The following PTPRD variants were observed in gnomAD, a reference collection of about 807,000 sequenced individuals.
PTPRD encodes the protein receptor-type tyrosine-protein phosphatase delta.
PTPRD carries 34 observed loss-of-function variants against 214.5 expected under a neutral mutation model. The observed-to-expected ratio is 0.16, with a 90% CI of 0.12 to 0.21. The LOEUF is 0.21. Ranked by LOEUF, PTPRD falls within the 10% of genes least tolerant of loss-of-function variation. The pLI, the probability that PTPRD is intolerant of heterozygous loss-of-function variation, is 1.00. For synonymous variants in PTPRD, 1,128 were observed against 845.7 expected (o/e 1.33, Z -5.79); for missense variants, 2,545 against 2,398.7 (o/e 1.06, Z -1.27).
At chr9:9,730,666 G>C (rs1441687200) in intron 7 of PTPRD, among the ~76,000 whole-genome samples, 1 of 152,054 alleles carries the variant, frequency 6.6e-6, no homozygotes. Context: ...TAGGATAATA[G>C]TATCTCAGTA....
At chr9:9,761,993 T>G (rs2098661709) in intron 6 of PTPRD, among the ~76,000 whole-genome samples, 2 of 152,180 alleles carry the variant, frequency 1.3e-5, no homozygotes, top group South Asian at 4.1e-4. Flanking sequence ...ATAAATTTAT[T>G]TTCTAATTCT....
chr9:9,363,214 T>C (rs1462170751), intron 9 of PTPRD, among the ~76,000 whole-genome samples: 1 of 150,504 alleles, frequency 6.6e-6, no homozygotes, highest in African/African-American at 2.4e-5. Context: ...AAATAGGGAA[T>C]GATAAGGCCA....
At chr9:8,642,421 G>A (rs1462894751) in intron 12 of PTPRD, among the ~76,000 whole-genome samples, 1 of 152,150 alleles carries the variant, frequency 6.6e-6, no homozygotes, top group Non-Finnish European at 1.5e-5. Flanking sequence ...TAAAGGGGAA[G>A]GTGAATATTG....
At chr9:8,363,831 T>C (rs1411856826) in intron 39 of PTPRD, among the ~76,000 whole-genome samples, 1 of 152,208 alleles carries the variant, frequency 6.6e-6, no homozygotes, top group Non-Finnish European at 1.5e-5. Flanking sequence ...GAATTCATCA[T>C]CATTTACTTT....
At chr9:8,872,926 A>T (rs575629240) in intron 11 of PTPRD, among the ~76,000 whole-genome samples, 1 of 152,334 alleles carries the variant, frequency 6.6e-6, no homozygotes, top group Non-Finnish European at 1.5e-5. Flanking sequence ...AAAGCCCTCA[A>T]ATATGAGTGC....
chr9:10,193,459 G>A (rs1057283446), intron 3 of PTPRD, among the ~76,000 whole-genome samples: 1 of 151,998 alleles, frequency 6.6e-6, no homozygotes, highest in Non-Finnish European at 1.5e-5. Flanking sequence ...GTTAAATAAA[G>A]TACTAGCATG....
intron 8 of PTPRD, among the ~76,000 whole-genome samples, chr9:9,407,768 T>G (rs1201247547): frequency 6.6e-6 from 1 of 151,796 alleles, no homozygotes; most frequent in African/African-American, 2.4e-5. Context: ...CTAACACACA[T>G]AAACTCATTT....
chr9:10,260,208 T>C lies in PTPRD; in HGVS notation c.-545+80755A>G, dbSNP rs75589492. Among the ~76,000 whole-genome samples, 1,497 of 152,314 alleles carry C rather than the reference T, an allele frequency of 9.8e-3. 35 individuals carry two copies. Among genetic ancestry groups the C allele is most frequent in the African/African-American group, 0.035 (1,435 of 41,554 alleles). On this transcript the variant is annotated intron_variant, in intron 3 of 45. Transcript: ENST00000381196. ...TGACTAGACTGTTTCTTAGACCCTA[T>C]ATCATCCCCAGGGAAGTCATGTCCA...
At chr9:9,389,491 TTCCAAC>T (rs2140834878) in intron 9 of PTPRD, among the ~76,000 whole-genome samples, 1 of 152,178 alleles carries the variant, frequency 6.6e-6, no homozygotes, top group South Asian at 2.1e-4. Flanking sequence ...GCTTGGGCCA[TTCCAAC>T]TCCATCTCAA....
chr9:9,201,053 G>C (rs1240495748), intron 9 of PTPRD, among the ~76,000 whole-genome samples: 1 of 152,142 alleles, frequency 6.6e-6, no homozygotes, highest in East Asian at 1.9e-4. Flanking sequence ...TAAGAGAAAA[G>C]AATAGACACC....
At position 8,500,801 on chromosome 9, in the gene PTPRD, C is replaced by A; in HGVS notation, c.2081G>T (p.Gly694Val). 1 of 1,614,110 alleles carries A rather than the reference C, an allele frequency of 6.2e-7. No individual in the cohort carries two copies. The highest frequency in any genetic ancestry group is 8.5e-7 in the Non-Finnish European group (1 of 1,180,002). Reference sequence around the variant, plus strand: ...CACGGACAAGCTCTCAGGGCCAGGGCCGACATCTGTATGGGCTGTCACAGT... The same window carrying A: ...CACGGACAAGCTCTCAGGGCCAGGGACGACATCTGTATGGGCTGTCACAGT... ...RITVTAHTDV[G>V]PGPESLSVLI... Residue 694 changes from glycine to valine, a missense_variant, in exon 24 of 46, where the codon GGC (glycine) becomes GTC (valine). By Grantham distance (109) the Gly-to-Val change is moderately radical. Coordinates refer to ENST00000381196, the MANE Select transcript of PTPRD (RefSeq NM_002839.4).
At chr9:10,283,342 C>T (rs2095220146) in intron 3 of PTPRD, among the ~76,000 whole-genome samples, 1 of 152,118 alleles carries the variant, frequency 6.6e-6, no homozygotes, top group African/African-American at 2.4e-5. Context: ...CATATATCTT[C>T]ACCATTAGAA....
At chr9:9,690,442 C>T (rs2097250208) in intron 7 of PTPRD, among the ~76,000 whole-genome samples, 1 of 151,892 alleles carries the variant, frequency 6.6e-6, no homozygotes, top group African/African-American at 2.4e-5. Context: ...CATCTCTTCA[C>T]TTTGTTGATT....
In PTPRD at chr9:10,376,977, C is replaced by G. The variant is rs186644475; in HGVS notation, c.-599-35960G>C. On this transcript the variant is annotated intron_variant, in intron 2 of 45. Transcript: ENST00000381196. The stretch of plus-strand genomic sequence containing the variant: ...TATTGACTATAGTCACCCTGTAGTG[C>G]TATCAAATACTAGGTCTTATTCATT... Among the ~76,000 whole-genome samples, 613 of 152,082 alleles carry G rather than the reference C, an allele frequency of 4.0e-3. 10 individuals carry two copies. Among genetic ancestry groups the G allele is most frequent in the African/African-American group, 0.014 (578 of 41,508 alleles).
chr9:8,933,397 T>C (rs2098968140), intron 11 of PTPRD, among the ~76,000 whole-genome samples: 1 of 137,564 alleles, frequency 7.3e-6, no homozygotes, highest in Non-Finnish European at 1.5e-5. Flanking sequence ...ATACAGATAA[T>C]AATTTATCCC....
intron 3 of PTPRD, among the ~76,000 whole-genome samples, chr9:10,271,454 A>G (rs2094414520): frequency 7.9e-6 from 1 of 126,920 alleles, no homozygotes; most frequent in South Asian, 2.7e-4. Flanking sequence ...ATTGCAATGA[A>G]AAAATATTCT....
intron 9 of PTPRD, among the ~76,000 whole-genome samples, chr9:9,393,039 G>A (rs948570878): frequency 2.6e-5 from 4 of 151,986 alleles, no homozygotes; most frequent in Admixed American, 6.6e-5. Flanking sequence ...CTGGTTAATC[G>A]GCTTCCCTCT....
At chr9:8,768,455 G>C (rs1565911826) in intron 11 of PTPRD, among the ~76,000 whole-genome samples, 1 of 152,184 alleles carries the variant, frequency 6.6e-6, no homozygotes. Flanking sequence ...AGGAAGCTGA[G>C]AGGTGGAAGA....
At chr9:9,615,613 A>G (rs1418167994) in intron 7 of PTPRD, among the ~76,000 whole-genome samples, 1 of 152,128 alleles carries the variant, frequency 6.6e-6, no homozygotes, top group Non-Finnish European at 1.5e-5. Context: ...TATGGTTTCT[A>G]TCTCCTAGTT....
Sources: gnomAD v4.1 joint callset for allele counts (sites outside exome capture counted in the v4.1 genomes callset) on GRCh38, gnomAD v4.1.1 for gene constraint, MANE v1.5 for transcripts, NCBI Gene and HGNC (gene_info 2026-07-23, HGNC 2026-07-21) for gene names.